SCML4: variants seen among roughly 807,000 people sequenced by gnomAD.
SCML4 encodes Scm polycomb group protein like 4.
Under a neutral mutation model 41.1 loss-of-function variants are expected in SCML4, and 34 were observed. That is an observed-to-expected ratio of 0.83 (90% CI 0.63 to 1.10). The LOEUF is 1.10. Ranked by LOEUF, SCML4 falls within the 50% of genes least tolerant of loss-of-function variation. The pLI, the probability that SCML4 is intolerant of heterozygous loss-of-function variation, is 0.00. For missense variants in SCML4, 522 were observed against 534.1 expected (o/e 0.98, Z 0.22); for synonymous variants, 214 against 220.9 (o/e 0.97, Z 0.28).
At chr6:107,769,428 T>C (rs1344106234) in intron 2 of SCML4, among the ~76,000 whole-genome samples, 1 of 152,208 alleles carries the variant, frequency 6.6e-6, no homozygotes, top group Non-Finnish European at 1.5e-5. Context: ...TCTTGAGTCT[T>C]GAAGGCAGGT....
chr6:107,750,963 AG>A (rs559110704), intron 2 of SCML4, among the ~76,000 whole-genome samples: 101 of 152,338 alleles, frequency 6.6e-4, no homozygotes, highest in African/African-American at 2.4e-3. Context: ...ATAGTCATGG[AG>A]AAATAGTATT....
chr6:107,789,036 C>G (rs1382417906), intron 1 of SCML4, among the ~76,000 whole-genome samples: 1 of 152,222 alleles, frequency 6.6e-6, no homozygotes, highest in African/African-American at 2.4e-5. Flanking sequence ...CCCAGCGTTG[C>G]TCCACCAGGG....
intron 1 of SCML4, among the ~76,000 whole-genome samples, chr6:107,780,811 A>G (rs983520553): frequency 2.0e-5 from 3 of 152,170 alleles, no homozygotes; most frequent in African/African-American, 7.2e-5. Context: ...TTAGCTTGTA[A>G]CATATTATTA....
chr6:107,718,424 C>G (rs965899576), intron 6 of SCML4: 1 of 152,956 alleles, frequency 6.5e-6, no homozygotes, highest in African/African-American at 2.4e-5. Context: ...AAGCGTCTTT[C>G]CTTTACAAAT....
chr6:107,705,339 A>T lies in SCML4; in HGVS notation c.1120-14T>A, dbSNP rs1248219286. On this transcript the variant is annotated splice_polypyrimidine_tract_variant and intron_variant, in intron 7 of 7. Coordinates refer to ENST00000369020, the MANE Select transcript of SCML4 (RefSeq NM_198081.5). ...GCCATCAATCTCCTGGTGGGATAGG[A>T]TCAGAAGAAAGATAAACCCAGAAGA... 1 of 1,551,352 alleles carries T rather than the reference A, an allele frequency of 6.4e-7. No homozygotes were observed. The highest frequency in any genetic ancestry group is 2.0e-5 in the Admixed American group (1 of 50,994).
intron 1 of SCML4, among the ~76,000 whole-genome samples, chr6:107,809,142 C>T (rs980269860): frequency 1.3e-5 from 2 of 152,108 alleles, no homozygotes; most frequent in East Asian, 1.9e-4. Flanking sequence ...TCCCTTCTGC[C>T]ATGTAAGGAC....
chr6:107,757,409 A>C (rs569651423), intron 2 of SCML4, among the ~76,000 whole-genome samples: 1 of 152,336 alleles, frequency 6.6e-6, no homozygotes, highest in Admixed American at 6.5e-5. Flanking sequence ...GACTGGTAGC[A>C]AGAGGTGGAT....
At chr6:107,778,267 C>A (rs1201177691) in intron 1 of SCML4, among the ~76,000 whole-genome samples, 5 of 110,440 alleles carry the variant, frequency 4.5e-5, no homozygotes, top group African/African-American at 1.6e-4. Flanking sequence ...ATATATATAA[C>A]TTGAGAATGC....
intron 6 of SCML4, among the ~76,000 whole-genome samples, chr6:107,710,979 C>T (rs1774155871): frequency 1.5e-5 from 1 of 66,260 alleles, no homozygotes; most frequent in African/African-American, 6.1e-5. Flanking sequence ...GAAATGGATC[C>T]CAAACCTCCC....
chr6:107,732,210 T>C (rs181417153), intron 5 of SCML4: 1 of 152,416 alleles, frequency 6.6e-6, no homozygotes. Flanking sequence ...CCCCTTGTTC[T>C]TGCAGATAAG....
intron 7 of SCML4, among the ~76,000 whole-genome samples, chr6:107,706,337 T>A (rs1380397473): frequency 1.3e-5 from 2 of 152,204 alleles, no homozygotes; most frequent in Non-Finnish European, 2.9e-5. Flanking sequence ...TGCCCAAATC[T>A]GTCCAAGCAT....
chr6:107,764,016 T>C (rs1253250834), intron 2 of SCML4, among the ~76,000 whole-genome samples: 1 of 152,244 alleles, frequency 6.6e-6, no homozygotes, highest in Non-Finnish European at 1.5e-5. Context: ...TCTTTCTTCA[T>C]ACAAAACTCC....
intron 5 of SCML4, among the ~76,000 whole-genome samples, chr6:107,738,917 G>A (rs1399050157): frequency 1.3e-5 from 2 of 151,996 alleles, no homozygotes; most frequent in African/African-American, 2.4e-5. Context: ...ACCCTAACAA[G>A]TCACACATAT....
chr6:107,833,037 G>T, the SCML4 span, among the ~76,000 whole-genome samples: 1 of 152,188 alleles, frequency 6.6e-6, no homozygotes, highest in African/African-American at 2.4e-5. Context: ...CCACTATGCG[G>T]GGAGGACTTA....
intron 1 of SCML4, among the ~76,000 whole-genome samples, chr6:107,814,105 C>G (rs1200761803): frequency 6.6e-6 from 1 of 152,228 alleles, no homozygotes; most frequent in Non-Finnish European, 1.5e-5. Flanking sequence ...AAGAGCCAAG[C>G]AACACATGCC....
At chr6:107,731,774 G>C (rs1583435040) in intron 5 of SCML4, among the ~76,000 whole-genome samples, 1 of 152,230 alleles carries the variant, frequency 6.6e-6, no homozygotes, top group African/African-American at 2.4e-5. Flanking sequence ...GAAAAGGCAG[G>C]AGTGCAGTTC....
At chr6:107,765,774 G>T (rs763037178) in intron 2 of SCML4, among the ~76,000 whole-genome samples, 2 of 152,140 alleles carry the variant, frequency 1.3e-5, no homozygotes, top group Non-Finnish European at 1.5e-5. Flanking sequence ...CCATATTCAG[G>T]GATGTGAATT....
chr6:107,798,943 A>T (rs1009050011), intron 1 of SCML4, among the ~76,000 whole-genome samples: 2 of 152,074 alleles, frequency 1.3e-5, no homozygotes, highest in Non-Finnish European at 2.9e-5. Context: ...ACTCTGTATG[A>T]TCTCAGTCCT....
intron 1 of SCML4, among the ~76,000 whole-genome samples, chr6:107,787,835 G>A (rs956936535): frequency 6.6e-6 from 1 of 152,198 alleles, no homozygotes; most frequent in Non-Finnish European, 1.5e-5. Flanking sequence ...AGATTTTCAG[G>A]CATATAGATG....
Sources: gnomAD v4.1 joint callset for allele counts (sites outside exome capture counted in the v4.1 genomes callset) on GRCh38, gnomAD v4.1.1 for gene constraint, MANE v1.5 for transcripts, NCBI Gene and HGNC (gene_info 2026-07-23, HGNC 2026-07-21) for gene names.